Variants in CDH12 observed in about 807,000 individuals in gnomAD.
CDH12 encodes the protein cadherin-12.
CDH12 carries 41 observed loss-of-function variants against 74.1 expected under a neutral mutation model. The ratio of observed to expected loss-of-function variants is 0.55; its 90% CI spans 0.43 to 0.72. CDH12 has a LOEUF of 0.72. Among genes scored for constraint, CDH12 ranks in the 30% least tolerant of loss-of-function variants. The pLI, the probability that CDH12 is intolerant of heterozygous loss-of-function variation, is 0.00. For synonymous variants in CDH12, 399 were observed against 355.0 expected (o/e 1.12, Z -1.39); for missense variants, 945 against 977.2 (o/e 0.97, Z 0.44).
intron 1 of CDH12, among the ~76,000 whole-genome samples, chr5:22,716,841 C>G (rs2126983097): frequency 6.8e-6 from 1 of 148,104 alleles, no homozygotes; most frequent in South Asian, 2.2e-4. Context: ...AAGTAAACAT[C>G]AAATAAATTT....
chr5:21,955,994 C>T (rs1561326515), intron 6 of CDH12, among the ~76,000 whole-genome samples: 1 of 151,936 alleles, frequency 6.6e-6, no homozygotes, highest in Non-Finnish European at 1.5e-5. Flanking sequence ...TAATTAGACA[C>T]ACAAAGACTT....
chr5:22,175,393 T>G (rs1189049324), intron 4 of CDH12, among the ~76,000 whole-genome samples: 1 of 151,872 alleles, frequency 6.6e-6, no homozygotes, highest in Non-Finnish European at 1.5e-5. Context: ...GTTATTCTGT[T>G]AAATGCCAGA....
At chr5:22,510,249 G>A (rs1456319773) in intron 1 of CDH12, among the ~76,000 whole-genome samples, 1 of 152,032 alleles carries the variant, frequency 6.6e-6, no homozygotes, top group Admixed American at 6.6e-5. Context: ...TTACTCTAGA[G>A]GTGGTCCTAT....
At chr5:22,430,393 TA>T (rs139604955) in intron 2 of CDH12, among the ~76,000 whole-genome samples, 8,319 of 149,136 alleles carry the variant, frequency 0.056, 327 homozygotes, top group African/African-American at 0.12. Context: ...TAAAACAGAG[TA>T]AAAAAAAAAT....
chr5:22,418,654 C>T lies in CDH12; in HGVS notation c.-427-13303G>A, dbSNP rs375263141. On this transcript the variant is annotated intron_variant, in intron 2 of 14. Transcript: ENST00000382254. The stretch of plus-strand genomic sequence containing the variant: ...ATCCCAGCATTTTGGGAGGCCAAAG[C>T]GGGAGGTTCACTTGAGGTCAGGAAT... Among the ~76,000 whole-genome samples the T allele has an allele frequency of 3.7e-4, 57 of 152,168 alleles. 1 individual carries two copies. The East Asian group carries it at 8.2e-3, about 22-fold the overall frequency.
intron 3 of CDH12, among the ~76,000 whole-genome samples, chr5:22,292,673 C>T (rs962430647): frequency 6.6e-6 from 1 of 151,706 alleles, no homozygotes; most frequent in Non-Finnish European, 1.5e-5. Context: ...GTAAATAAAA[C>T]TTGCTTAACA....
chr5:22,710,566 T>G (rs269025), intron 1 of CDH12, among the ~76,000 whole-genome samples: 106,553 of 151,766 alleles, frequency 0.7, 37,590 homozygotes, highest in Admixed American at 0.75. Flanking sequence ...AGGGTAAGGA[T>G]TTTTGCTTAA....
chr5:22,233,379 T>G (rs533804696), intron 3 of CDH12, among the ~76,000 whole-genome samples: 11 of 152,118 alleles, frequency 7.2e-5, no homozygotes, highest in African/African-American at 2.6e-4. Flanking sequence ...TTATATGAGA[T>G]TTAGGTACCA....
intron 3 of CDH12, among the ~76,000 whole-genome samples, chr5:22,307,497 T>C (rs1320702643): frequency 6.6e-6 from 1 of 152,156 alleles, no homozygotes; most frequent in Non-Finnish European, 1.5e-5. Flanking sequence ...TATTTCTTCT[T>C]TGATGCATCC....
chr5:21,838,734 A>G (rs1330696694), intron 8 of CDH12, among the ~76,000 whole-genome samples: 1 of 152,158 alleles, frequency 6.6e-6, no homozygotes, highest in South Asian at 2.1e-4. Context: ...GAAAATGACC[A>G]TCTTGTTTCA....
intron 3 of CDH12, among the ~76,000 whole-genome samples, chr5:22,366,616 T>C (rs1042649729): frequency 6.6e-6 from 1 of 152,202 alleles, no homozygotes; most frequent in Non-Finnish European, 1.5e-5. Context: ...TTCTGACTTT[T>C]GTTCATACTT....
rs182269163 is a variant in CDH12, at chr5:22,486,351, A to C, written c.-428+18919T>G. Among the ~76,000 whole-genome samples the C allele has an allele frequency of 2.8e-4, 43 of 152,320 alleles. No individual in the cohort carries two copies. In the East Asian group the frequency reaches 3.1e-3, roughly 11 times the overall value. On this transcript the variant is annotated intron_variant, in intron 2 of 14. Coordinates refer to ENST00000382254, the MANE Select transcript of CDH12 (RefSeq NM_004061.5). ...TCCAGATGTTAAAGTAAGACACACA[A>C]AAAACTCATCTTGTGATAATCTAAG...
chr5:22,828,445 A>G (rs1352660024), intron 1 of CDH12, among the ~76,000 whole-genome samples: 1 of 152,184 alleles, frequency 6.6e-6, no homozygotes, highest in Non-Finnish European at 1.5e-5. Context: ...TTCTATTTAA[A>G]TGCTAATCTA....
At position 22,515,784 on chromosome 5, in the gene CDH12, G is replaced by C. The variant is rs372563630; in HGVS notation, c.-522-10420C>G. Reference sequence around the variant, plus strand: ...GTAGACTAAGCAATTAAATGTGAAAGATCAAAGTGTAAGACTGTTGATACA... The same window carrying C: ...GTAGACTAAGCAATTAAATGTGAAACATCAAAGTGTAAGACTGTTGATACA... On this transcript the variant is annotated intron_variant, in intron 1 of 14. Transcript: ENST00000382254. Among the ~76,000 whole-genome samples, 8 of 152,140 alleles carry C rather than the reference G, an allele frequency of 5.3e-5. No individual in the cohort carries two copies. The South Asian group carries it at 1.2e-3, about 24-fold the overall frequency.
chr5:21,875,141 T>C (rs564305219), intron 6 of CDH12, among the ~76,000 whole-genome samples: 1 of 152,306 alleles, frequency 6.6e-6, no homozygotes, highest in South Asian at 2.1e-4. Context: ...GCATGTAAAT[T>C]AGTTAACCAT....
chr5:22,781,237 C>A (rs994738232), intron 1 of CDH12, among the ~76,000 whole-genome samples: 7 of 152,158 alleles, frequency 4.6e-5, no homozygotes, highest in Non-Finnish European at 2.9e-5. Context: ...CTTTACAGCT[C>A]CTAACCGTGG....
chr5:21,787,717 G>A (rs1249082785), intron 10 of CDH12, among the ~76,000 whole-genome samples: 1 of 152,036 alleles, frequency 6.6e-6, no homozygotes, highest in Non-Finnish European at 1.5e-5. Context: ...TCTGTTTATT[G>A]GAGGAATGAG....
chr5:22,026,600 C>T (rs1193874587), intron 5 of CDH12, among the ~76,000 whole-genome samples: 3 of 152,126 alleles, frequency 2.0e-5, no homozygotes, highest in South Asian at 2.1e-4. Flanking sequence ...TCTATGCTTT[C>T]ATTATGCTTC....
chr5:22,723,522 A>G lies in CDH12; in HGVS notation c.-523+129536T>C, dbSNP rs10057451. Among the ~76,000 whole-genome samples the G allele has an allele frequency of 3.4e-3, 517 of 152,174 alleles. 4 individuals are homozygous for G. The highest frequency in any genetic ancestry group is 0.012 in the African/African-American group (491 of 41,558). The stretch of plus-strand genomic sequence containing the variant: ...GTTTAGTCAAGAGCTAAGAGTTAAG[A>G]TTGCTGTGAAGGCATTAGAGACAGA... On this transcript the variant is annotated intron_variant, in intron 1 of 14. Coordinates refer to ENST00000382254, the MANE Select transcript of CDH12 (RefSeq NM_004061.5).
Sources: gnomAD v4.1 joint callset for allele counts (sites outside exome capture counted in the v4.1 genomes callset) on GRCh38, gnomAD v4.1.1 for gene constraint, MANE v1.5 for transcripts, NCBI Gene and HGNC (gene_info 2026-07-23, HGNC 2026-07-21) for gene names.